ATP2B2: variants seen among roughly 807,000 people sequenced by gnomAD.
The protein encoded by ATP2B2 is ATPase plasma membrane Ca2+ transporting 2, also known as plasma membrane calcium-transporting ATPase 2.
Under a neutral mutation model 120.0 loss-of-function variants are expected in ATP2B2, and 15 were observed. That is an observed-to-expected ratio of 0.12 (90% confidence interval 0.08 to 0.19). ATP2B2 has a LOEUF of 0.19. ATP2B2 is among the 10% of genes least tolerant of loss of function. ATP2B2 has a pLI of 1.00. For missense variants in ATP2B2, 1,045 were observed against 1,719.8 expected, an observed-to-expected ratio of 0.61 and a Z score of 6.94; for synonymous variants, 694 against 700.3, an observed-to-expected ratio of 0.99 and a Z score of 0.14.
chr3:10,435,210 C>T (rs576720559), intron 2 of ATP2B2, among the ~76,000 whole-genome samples: 1 of 152,204 alleles, frequency 6.6e-6, no homozygotes, highest in East Asian at 1.9e-4. Context: ...TGGTCACCCC[C>T]CAACCGGACC....
chr3:10,643,218 C>T (rs2070222759), intron 1 of ATP2B2, among the ~76,000 whole-genome samples: 1 of 152,166 alleles, frequency 6.6e-6, no homozygotes, highest in Non-Finnish European at 1.5e-5. Context: ...CTCTGGGGAA[C>T]AAAACCCTGA....
intron 1 of ATP2B2, among the ~76,000 whole-genome samples, chr3:10,497,283 C>G (rs1447485907): frequency 6.6e-6 from 1 of 152,342 alleles, no homozygotes; most frequent in South Asian, 2.1e-4. Flanking sequence ...CCTGAACCAA[C>G]ATGGGCAAAG....
At chr3:10,360,272 A>G in intron 12 of ATP2B2, 149 bp from the exon 13 acceptor site, 1 of 1,367,448 alleles carries the variant, frequency 7.3e-7, no homozygotes, top group South Asian at 1.6e-5. Context: ...CATCCCCTGC[A>G]CCCTCAGGGC....
intron 2 of ATP2B2, among the ~76,000 whole-genome samples, chr3:10,440,146 C>T (rs2063614758): frequency 7.1e-6 from 1 of 140,562 alleles, no homozygotes; most frequent in Non-Finnish European, 1.5e-5. Context: ...GTCTCTGTCT[C>T]TGGTTCATGG....
intron 1 of ATP2B2, among the ~76,000 whole-genome samples, chr3:10,649,424 C>T (rs1377232155): frequency 2.6e-5 from 4 of 152,198 alleles, no homozygotes; most frequent in African/African-American, 7.2e-5. Context: ...TGCTCACCCC[C>T]GCCAGCCTCA....
At chr3:10,644,954 A>C (rs2070283933) in intron 1 of ATP2B2, among the ~76,000 whole-genome samples, 1 of 152,260 alleles carries the variant, frequency 6.6e-6, no homozygotes, top group Non-Finnish European at 1.5e-5. Flanking sequence ...ATTTTATAGA[A>C]TGTATAAATT....
chr3:10,696,821 T>A (rs1041932821), intron 1 of ATP2B2, among the ~76,000 whole-genome samples: 1 of 152,162 alleles, frequency 6.6e-6, no homozygotes, highest in Non-Finnish European at 1.5e-5. Context: ...AGGTGAAATG[T>A]GGAGGTGGTA....
At chr3:10,568,497 AACAG>A (rs1327017328) in intron 2 of ATP2B2, among the ~76,000 whole-genome samples, 6 of 152,200 alleles carry the variant, frequency 3.9e-5, no homozygotes, top group Admixed American at 3.9e-4. Flanking sequence ...CTAAGCTTGA[AACAG>A]ACAGGTTCAG....
At chr3:10,550,290 A>G (rs1197773339) in intron 2 of ATP2B2, among the ~76,000 whole-genome samples, 1 of 152,250 alleles carries the variant, frequency 6.6e-6, no homozygotes, top group African/African-American at 2.4e-5. Flanking sequence ...ATGCAACAGA[A>G]CAATTTCCTG....
chr3:10,690,049 A>C (rs185510153), intron 1 of ATP2B2, among the ~76,000 whole-genome samples: 1 of 152,250 alleles, frequency 6.6e-6, no homozygotes, highest in East Asian at 1.9e-4. Context: ...CATGCAGAGG[A>C]CTCTGTCCTC....
chr3:10,454,001 C>T (rs1387658010), intron 1 of ATP2B2, among the ~76,000 whole-genome samples: 1 of 151,080 alleles, frequency 6.6e-6, no homozygotes, highest in Non-Finnish European at 1.5e-5. Flanking sequence ...TCCATCCATT[C>T]ATCCACCCAC....
intron 3 of ATP2B2, among the ~76,000 whole-genome samples, chr3:10,533,056 AG>A (rs1430837917): frequency 6.6e-6 from 1 of 152,192 alleles, no homozygotes; most frequent in Non-Finnish European, 1.5e-5. Flanking sequence ...AAAGATGAGC[AG>A]TGAGAGCTCT....
At chr3:10,477,379 T>G (rs1489867248) in intron 1 of ATP2B2, among the ~76,000 whole-genome samples, 2 of 152,254 alleles carry the variant, frequency 1.3e-5, no homozygotes, top group Non-Finnish European at 2.9e-5. Context: ...ACGTTTCTCT[T>G]TTTTGTGGTT....
At chr3:10,572,118 AT>A (rs1262532935) in intron 2 of ATP2B2, among the ~76,000 whole-genome samples, 2 of 152,160 alleles carry the variant, frequency 1.3e-5, no homozygotes, top group African/African-American at 2.4e-5. Flanking sequence ...GAGCATCCCT[AT>A]TTTAAACTTG....
At chr3:10,482,635 C>T (rs1207863709) in intron 1 of ATP2B2, among the ~76,000 whole-genome samples, 2 of 152,202 alleles carry the variant, frequency 1.3e-5, no homozygotes, top group Non-Finnish European at 1.5e-5. Context: ...CCCTGGGGCA[C>T]CTCTGGCTCA....
chr3:10,344,896 G>A (rs973446582), intron 18 of ATP2B2, among the ~76,000 whole-genome samples: 9 of 152,110 alleles, frequency 5.9e-5, no homozygotes, highest in African/African-American at 1.9e-4. Flanking sequence ...CAAGATCCCC[G>A]ACTCCCTCCA....
intron 1 of ATP2B2, among the ~76,000 whole-genome samples, chr3:10,702,291 C>T (rs1160877664): frequency 2.0e-5 from 3 of 152,202 alleles, no homozygotes; most frequent in Non-Finnish European, 4.4e-5. Flanking sequence ...CTGTAAATTA[C>T]AAGGTGATCA....
chr3:10,617,823 C>A (rs1417703041), intron 2 of ATP2B2, among the ~76,000 whole-genome samples: 1 of 152,186 alleles, frequency 6.6e-6, no homozygotes, highest in East Asian at 1.9e-4. Flanking sequence ...AGACGCAAAG[C>A]TGGTGTGTGC....
At chr3:10,532,696 A>T (rs546269836) in intron 3 of ATP2B2, among the ~76,000 whole-genome samples, 9 of 152,372 alleles carry the variant, frequency 5.9e-5, no homozygotes, top group African/African-American at 2.2e-4. Flanking sequence ...GGTTCGTCCC[A>T]AAGTGCTTGG....
Sources: gnomAD v4.1 joint callset for allele counts (sites outside exome capture counted in the v4.1 genomes callset) on GRCh38, gnomAD v4.1.1 for gene constraint, MANE v1.5 for transcripts, NCBI Gene and HGNC (gene_info 2026-07-23, HGNC 2026-07-21) for gene names.